UGT2B7: variants seen among roughly 807,000 people sequenced by gnomAD.
UGT2B7 encodes the protein UDP glucuronosyltransferase family 2 member B7, also known as UDP-glucuronosyltransferase 2B7.
A neutral mutation model predicts 51.9 loss-of-function variants in UGT2B7; 51 were observed. That is an observed-to-expected ratio of 0.98 (90% confidence interval 0.78 to 1.24). The LOEUF (loss-of-function observed/expected upper bound fraction) is 1.24, where lower values mean the gene tolerates loss of function less well. Among genes scored for constraint, UGT2B7 ranks in the 50% most tolerant of loss-of-function variants. UGT2B7 has a pLI of 0.00. For synonymous variants in UGT2B7, 225 were observed against 211.6 expected, an observed-to-expected ratio of 1.06 and a Z score of -0.55; for missense variants, 727 against 628.4, an observed-to-expected ratio of 1.16 and a Z score of -1.68.
At position 69,105,768 on chromosome 4, in the gene UGT2B7, A is replaced by C. The variant is rs144174554; in HGVS notation, c.1003-1407A>C. ...GCTTGATAATTTATAATTCCAATGA[A>C]GTTATACATAAAACCTTTGCAGCAT... On this transcript the variant is annotated intron_variant, in intron 3 of 5. Coordinates refer to ENST00000305231, the MANE Select transcript of UGT2B7 (RefSeq NM_001074.4). Among the ~76,000 whole-genome samples, 324 of 152,314 alleles carry C rather than the reference A, an allele frequency of 2.1e-3. 2 individuals carry two copies. The highest frequency in any genetic ancestry group is 7.6e-3 in the African/African-American group (317 of 41,586).
At chr4:69,074,338 C>G (rs535768173) in intron 1 of UGT2B7, among the ~76,000 whole-genome samples, 1 of 151,766 alleles carries the variant, frequency 6.6e-6, no homozygotes, top group East Asian at 1.9e-4. Flanking sequence ...GAGAGAGTCA[C>G]TTGACCTTGG....
chr4:69,077,976 T>G (rs1277273145), intron 1 of UGT2B7, among the ~76,000 whole-genome samples: 1 of 152,094 alleles, frequency 6.6e-6, no homozygotes, highest in Non-Finnish European at 1.5e-5. Context: ...TTATTGAGAG[T>G]TTTTAGCATG....
intron 5 of UGT2B7, among the ~76,000 whole-genome samples, chr4:69,111,207 T>A (rs1358510022): frequency 6.6e-6 from 1 of 152,048 alleles, no homozygotes; most frequent in Non-Finnish European, 1.5e-5. Context: ...AGGGGAAAAG[T>A]GTTAGGAAAA....
intron 1 of UGT2B7, among the ~76,000 whole-genome samples, chr4:69,064,070 A>G (rs1299175335): frequency 1.9e-5 from 2 of 108,102 alleles, no homozygotes; most frequent in African/African-American, 1.0e-4. Flanking sequence ...GAAAGAAAGA[A>G]AGAAAGAAAG....
intron 3 of UGT2B7, among the ~76,000 whole-genome samples, chr4:69,103,866 G>A (rs1029616185): frequency 6.6e-6 from 1 of 152,142 alleles, no homozygotes; most frequent in African/African-American, 2.4e-5. Flanking sequence ...TAGTAGTTAT[G>A]CGGTATATTC....
intron 1 of UGT2B7, among the ~76,000 whole-genome samples, chr4:69,076,822 AT>A (rs1718717987): frequency 6.6e-6 from 1 of 152,120 alleles, no homozygotes; most frequent in Admixed American, 6.5e-5. Flanking sequence ...TTTTGTTGCC[AT>A]TGCTTTTGGT....
intron 1 of UGT2B7, among the ~76,000 whole-genome samples, chr4:69,075,352 G>A (rs1444145601): frequency 1.3e-5 from 2 of 152,016 alleles, no homozygotes; most frequent in Non-Finnish European, 2.9e-5. Flanking sequence ...GTCTCTGTTC[G>A]TCTGTCTGTC....
At chr4:69,076,879 T>C (rs1271006307) in intron 1 of UGT2B7, among the ~76,000 whole-genome samples, 1 of 152,192 alleles carries the variant, frequency 6.6e-6, no homozygotes, top group Non-Finnish European at 1.5e-5. Context: ...CTAAATAGTA[T>C]TGCCTAGGTT....
chr4:69,106,518 T>C (rs1372215555), intron 3 of UGT2B7, among the ~76,000 whole-genome samples: 1 of 152,202 alleles, frequency 6.6e-6, no homozygotes. Context: ...GCATTTAGGT[T>C]GATTCCATGT....
chr4:69,078,765 C>A (rs1347397670), intron 1 of UGT2B7, among the ~76,000 whole-genome samples: 1 of 152,088 alleles, frequency 6.6e-6, no homozygotes, highest in African/African-American at 2.4e-5. Flanking sequence ...GGGTTGGAAG[C>A]TCTTGCAGAT....
upstream of UGT2B7, among the ~76,000 whole-genome samples, chr4:69,095,596 C>T (rs138736185): frequency 7.9e-5 from 12 of 152,276 alleles, no homozygotes; most frequent in African/African-American, 2.9e-4. Flanking sequence ...AGGACAACAG[C>T]CAAATAACTG....
chr4:69,101,591 G>A (rs574100795), intron 2 of UGT2B7, among the ~76,000 whole-genome samples: 65 of 152,038 alleles, frequency 4.3e-4, no homozygotes, highest in African/African-American at 1.5e-3. Context: ...GATGCCCCAA[G>A]TATTACCTGG....
intron 1 of UGT2B7, among the ~76,000 whole-genome samples, chr4:69,053,083 T>G (rs1560495894): frequency 6.6e-6 from 1 of 152,130 alleles, no homozygotes; most frequent in Non-Finnish European, 1.5e-5. Flanking sequence ...AACCTGCTCT[T>G]TAACAAAAAT....
intron 1 of UGT2B7, 26 bp from the exon 2 acceptor site, chr4:69,098,514 A>AT (rs758963861): frequency 2.0e-6 from 3 of 1,522,530 alleles, no homozygotes; most frequent in Admixed American, 4.7e-5. Context: ...TGTGTCATCC[A>AT]CCTTTTTTTT....
chr4:69,063,437 T>C lies in UGT2B7; in HGVS notation c.-159+11835T>C, dbSNP rs373223398. ...ACTGTACCCCTATTTACATGCTTAA[T>C]CACATCATAAGGTTGCAGGTGGTAC... On this transcript the variant is annotated intron_variant, in intron 1 of 5. Transcript: ENST00000502942. 6.1e-4 allele frequency among the ~76,000 whole-genome samples: 92 copies of C among 151,964 alleles called. 2 individuals carry two copies. In the South Asian group the frequency reaches 0.018, roughly 30 times the overall value.
intron 1 of UGT2B7, among the ~76,000 whole-genome samples, chr4:69,076,844 T>G (rs1299343599): frequency 6.6e-6 from 1 of 152,226 alleles, no homozygotes; most frequent in African/African-American, 2.4e-5. Flanking sequence ...GTTTTAGTCA[T>G]GAAGTCTTTG....
Position 69,096,530 on chromosome 4 carries a change from A to G in UGT2B7, c.10A>G (p.Lys4Glu), listed in dbSNP as rs1404170117. MSV[K>E]WTSVILLIQL... ...ATTGCATTGCACCAGGATGTCTGTG[A>G]AATGGACTTCAGTAATTTTGCTAAT... Residue 4 changes from lysine (K) to glutamate (E), a missense_variant, in exon 1 of 6, where the codon AAA becomes GAA. Physicochemically the swap from Lys to Glu is moderately conservative, Grantham distance 56 (BLOSUM62 1). Coordinates refer to ENST00000305231, the MANE Select transcript of UGT2B7 (RefSeq NM_001074.4). The G allele has an allele frequency of 6.2e-7, 1 of 1,613,800 alleles. No individual in the cohort carries two copies. Among genetic ancestry groups the G allele is most frequent in the Non-Finnish European group, 8.5e-7 (1 of 1,179,838 alleles).
intron 1 of UGT2B7, among the ~76,000 whole-genome samples, chr4:69,065,506 T>G (rs993783640): frequency 6.6e-6 from 1 of 152,194 alleles, no homozygotes; most frequent in Non-Finnish European, 1.5e-5. Context: ...AATCACTATT[T>G]TTACATATAA....
upstream of UGT2B7, among the ~76,000 whole-genome samples, chr4:69,095,105 C>T (rs1301099469): frequency 1.3e-5 from 2 of 152,142 alleles, no homozygotes; most frequent in Non-Finnish European, 2.9e-5. Flanking sequence ...ATAGGACCAA[C>T]AGTTTCATAT....
Sources: gnomAD v4.1 joint callset for allele counts (sites outside exome capture counted in the v4.1 genomes callset) on GRCh38, gnomAD v4.1.1 for gene constraint, MANE v1.5 for transcripts, NCBI Gene and HGNC (gene_info 2026-07-23, HGNC 2026-07-21) for gene names.